CDH2: variants seen among roughly 807,000 people sequenced by gnomAD.
CDH2 encodes the protein cadherin-2.
Under a neutral mutation model 92.0 loss-of-function variants are expected in CDH2, and 17 were observed. The observed-to-expected ratio is 0.18, with a 90% confidence interval of 0.13 to 0.28. CDH2 has a LOEUF of 0.28. CDH2 is among the 10% of genes least tolerant of loss of function. The probability of loss-of-function intolerance (pLI) is 1.00; values close to 1 mark genes in which losing one functional copy is unlikely to be tolerated. For missense variants in CDH2, 862 were observed against 1,133.1 expected (o/e 0.76, Z 3.44); for synonymous variants, 419 against 415.9 (o/e 1.01, Z -0.09).
At chr18:28,108,964 T>A (rs1194490424) in intron 2 of CDH2, among the ~76,000 whole-genome samples, 2 of 152,122 alleles carry the variant, frequency 1.3e-5, no homozygotes, top group South Asian at 4.1e-4. Flanking sequence ...ACAGGCTGTG[T>A]TCCTGTTGAA....
chr18:27,982,282 T>G (rs1418044424), intron 14 of CDH2, among the ~76,000 whole-genome samples: 1 of 152,200 alleles, frequency 6.6e-6, no homozygotes, highest in Non-Finnish European at 1.5e-5. Flanking sequence ...ATGGTCATTC[T>G]CATCCTTGAA....
intron 2 of CDH2, among the ~76,000 whole-genome samples, chr18:28,102,243 A>AT (rs893237681): frequency 3.3e-5 from 5 of 151,866 alleles, no homozygotes; most frequent in African/African-American, 1.2e-4. Flanking sequence ...AAAAAATCTT[A>AT]TTTTTTTTCA....
intron 7 of CDH2, among the ~76,000 whole-genome samples, chr18:28,001,381 A>T (rs1403913470): frequency 4.6e-5 from 7 of 152,340 alleles, no homozygotes; most frequent in Admixed American, 3.3e-4. Context: ...ATGAAGTCTC[A>T]TTTCTGTATC....
At chr18:27,949,198 G>C (rs766755167), downstream of CDH2, among the ~76,000 whole-genome samples, 1 of 152,100 alleles carries the variant, frequency 6.6e-6, no homozygotes, top group African/African-American at 2.4e-5. Context: ...ATTTTGAGCT[G>C]CACAAAATCC....
At chr18:28,014,961 T>A (rs1442569709) in intron 2 of CDH2, among the ~76,000 whole-genome samples, 3 of 141,612 alleles carry the variant, frequency 2.1e-5, no homozygotes, top group African/African-American at 8.5e-5. Flanking sequence ...TAAAAAATGA[T>A]TTTTTTATTT....
chr18:28,147,209 T>C lies in CDH2; in HGVS notation c.172+464A>G, dbSNP rs2016048897. 2.6e-5 allele frequency among the ~76,000 whole-genome samples: 4 copies of C among 152,212 alleles called. No individual in the cohort carries two copies. In the South Asian group the frequency reaches 8.3e-4, roughly 32 times the overall value. ...CATACTCTTGCACTGAGACTTTACA[T>C]GTTAAATTCATTCAATGTAATTCAG... is the stretch of plus-strand genomic sequence containing the variant. On this transcript the variant is annotated intron_variant, in intron 2 of 15. Transcript: ENST00000269141.
chr18:28,061,784 C>T (rs2014407463), intron 2 of CDH2, among the ~76,000 whole-genome samples: 1 of 152,170 alleles, frequency 6.6e-6, no homozygotes, highest in African/African-American at 2.4e-5. Context: ...GAATGTCTTA[C>T]ATGGCGGCAG....
intron 2 of CDH2, among the ~76,000 whole-genome samples, chr18:28,046,590 G>C (rs1399521488): frequency 3.3e-5 from 5 of 152,078 alleles, no homozygotes; most frequent in Non-Finnish European, 7.4e-5. Context: ...TGAGAAAAAT[G>C]CTCTGCAAAT....
At position 28,043,483 on chromosome 18, in the gene CDH2, T is replaced by A. The variant is rs866558167; in HGVS notation, c.173-29574A>T. Among the ~76,000 whole-genome samples, 640 of 76,656 alleles carry A rather than the reference T, an allele frequency of 8.3e-3. 10 individuals are homozygous for A. The highest frequency in any genetic ancestry group is 0.029 in the African/African-American group (569 of 19,372). The allele number at this position is 76,656 out of a possible 152,430, so 50.3% of individuals were successfully genotyped here. A position where few individuals can be genotyped will look rare whatever the true frequency, so the allele number is the denominator to read the frequency against. ...ATAAATATATATATATATATATATA[T>A]ATATATATATAAATATATATATATA... On this transcript the variant is annotated intron_variant, in intron 2 of 15. Coordinates refer to ENST00000269141, the MANE Select transcript of CDH2 (RefSeq NM_001792.5).
intron 2 of CDH2, among the ~76,000 whole-genome samples, chr18:28,028,960 A>G (rs2144078327): frequency 6.6e-6 from 1 of 152,274 alleles, no homozygotes; most frequent in Admixed American, 6.5e-5. Context: ...ACAATCAATA[A>G]ATTCTAATAT....
intron 2 of CDH2, among the ~76,000 whole-genome samples, chr18:28,127,237 CAACCTGATTTAGG>C (rs1333794630): frequency 1.3e-5 from 2 of 152,168 alleles, no homozygotes; most frequent in Non-Finnish European, 2.9e-5. Context: ...TCCTATCCAC[CAACCTGATTTAGG>C]GGAAATAATA....
At chr18:28,149,792 G>A (rs991434500) in intron 1 of CDH2, among the ~76,000 whole-genome samples, 13 of 152,190 alleles carry the variant, frequency 8.5e-5, no homozygotes, top group Admixed American at 2.6e-4. Flanking sequence ...CAAAAAGACT[G>A]AAGGAAACCA....
rs139850806 is a variant in CDH2 at position 28,073,961 on chromosome 18, C to T, written c.173-60052G>A. ...TAGCCATTCACTATCTTGTTATTTA[C>T]ATTGTATTAATATCATTAGCACGTC... On this transcript the variant is annotated intron_variant, in intron 2 of 15. Coordinates refer to ENST00000269141, the MANE Select transcript of CDH2 (RefSeq NM_001792.5). 7.5e-4 allele frequency among the ~76,000 whole-genome samples: 114 copies of T among 152,272 alleles called. 2 individuals are homozygous for T. The highest frequency in any genetic ancestry group is 2.5e-3 in the African/African-American group (104 of 41,560).
At chr18:28,122,978 T>C (rs2144275320) in intron 2 of CDH2, among the ~76,000 whole-genome samples, 1 of 152,200 alleles carries the variant, frequency 6.6e-6, no homozygotes, top group Non-Finnish European at 1.5e-5. Context: ...TAGATCATGA[T>C]GAAAGTTTGT....
chr18:28,139,345 C>G (rs1467759185), intron 2 of CDH2, among the ~76,000 whole-genome samples: 1 of 151,932 alleles, frequency 6.6e-6, no homozygotes, highest in East Asian at 1.9e-4. Context: ...TATTGTAACT[C>G]CCATCTTCAA....
downstream of CDH2, among the ~76,000 whole-genome samples, chr18:27,947,733 C>T (rs66498855): frequency 2.1e-4 from 31 of 145,006 alleles, no homozygotes; most frequent in Admixed American, 4.1e-4. Flanking sequence ...GTGATGTAAG[C>T]ATATGTGATA....
At chr18:27,971,109 G>T (rs1033348519) in intron 14 of CDH2, among the ~76,000 whole-genome samples, 1 of 152,054 alleles carries the variant, frequency 6.6e-6, no homozygotes. Flanking sequence ...CGTGGCACAC[G>T]CCTGTAATCC....
In CDH2 at chr18:27,993,494, A is replaced by T; in HGVS notation, c.1158+6T>A. Reference sequence around the variant, plus strand: ...CAAAGTTGTGTGAGTGACAGGCTGTACTCACCGTCATGGCAGTAAACTCTG... The same window carrying T: ...CAAAGTTGTGTGAGTGACAGGCTGTTCTCACCGTCATGGCAGTAAACTCTG... On this transcript the variant is annotated splice_donor_region_variant and intron_variant, in intron 8 of 15. Transcript: ENST00000269141. 6.2e-7 allele frequency: 1 copy of T among 1,613,306 alleles called. No individual in the cohort carries two copies. The highest frequency in any genetic ancestry group is 8.5e-7 in the Non-Finnish European group (1 of 1,179,636).
chr18:28,016,054 G>C (rs1430884505), intron 2 of CDH2, among the ~76,000 whole-genome samples: 7 of 152,162 alleles, frequency 4.6e-5, no homozygotes, highest in Admixed American at 3.9e-4. Context: ...CATCACTTTG[G>C]GGGAAGAGTC....
Sources: gnomAD v4.1 joint callset for allele counts (sites outside exome capture counted in the v4.1 genomes callset) on GRCh38, gnomAD v4.1.1 for gene constraint, MANE v1.5 for transcripts, NCBI Gene and HGNC (gene_info 2026-07-23, HGNC 2026-07-21) for gene names.